The following ATG4A variants were observed in gnomAD, a reference collection of about 807,000 sequenced individuals.
ATG4A encodes cysteine protease ATG4A.
ATG4A carries 22 observed loss-of-function variants against 38.4 expected under a neutral mutation model. That is an observed-to-expected ratio of 0.57 (90% confidence interval 0.41 to 0.82). The LOEUF is 0.82. ATG4A is among the 40% of genes least tolerant of loss of function. The pLI is 0.00. For missense variants in ATG4A, 220 were observed against 290.0 expected, an observed-to-expected ratio of 0.76 and a Z score of 1.75; for synonymous variants, 86 against 100.7, an observed-to-expected ratio of 0.85 and a Z score of 0.88.
At chrX:108,146,542 G>A (rs890852626) in intron 9 of ATG4A, among the ~76,000 whole-genome samples, 1 of 111,646 alleles carries the variant, frequency 9.0e-6, no homozygotes, top group Non-Finnish European at 1.9e-5. Context: ...TTTAAATTTT[G>A]TAGTTGAGTG....
At chrX:108,113,234 A>G (rs1021081669) in intron 1 of ATG4A, among the ~76,000 whole-genome samples, 3 of 112,050 alleles carry the variant, frequency 2.7e-5, no homozygotes, top group Non-Finnish European at 3.8e-5. Flanking sequence ...CTCCTTGCAC[A>G]CTGCAGCGCT....
intron 9 of ATG4A, chrX:108,143,724 A>G: frequency 4.1e-6 from 1 of 246,110 alleles, no homozygotes; most frequent in Non-Finnish European, 7.7e-6. Flanking sequence ...AGCAGAACGT[A>G]ATGTCGGGGG....
chrX:108,126,553 A>T (rs1399952607), intron 2 of ATG4A, among the ~76,000 whole-genome samples: 1 of 112,108 alleles, frequency 8.9e-6, no homozygotes, highest in Non-Finnish European at 1.9e-5. Context: ...GCCTTTCGTG[A>T]CTGGTCTACA....
At chrX:108,126,289 C>T in intron 2 of ATG4A, 102 bp downstream of exon 2, 1 of 580,028 alleles carries the variant, frequency 1.7e-6, no homozygotes, top group Non-Finnish European at 2.9e-6. Context: ...CATTGTCTTG[C>T]TCAATGTTAA....
At chrX:108,114,305 C>T (rs1159626280) in intron 1 of ATG4A, among the ~76,000 whole-genome samples, 1 of 111,381 alleles carries the variant, frequency 9.0e-6, no homozygotes, top group African/African-American at 3.3e-5. Context: ...CTCATTTGAT[C>T]CTCACTACGG....
At chrX:108,089,903 C>T (rs1244202072), upstream of ATG4A, among the ~76,000 whole-genome samples, 1 of 111,650 alleles carries the variant, frequency 9.0e-6, no homozygotes, top group African/African-American at 3.3e-5. Flanking sequence ...CAAAGGGAAT[C>T]CCTATTTGCA....
chrX:108,129,074 C>T (rs1205075215), intron 3 of ATG4A, among the ~76,000 whole-genome samples: 1 of 112,166 alleles, frequency 8.9e-6, no homozygotes, highest in East Asian at 2.8e-4. Context: ...ATACTTTTGA[C>T]ACCACCTCCA....
chrX:108,106,578 GTA>G (rs1415870806), intron 1 of ATG4A, among the ~76,000 whole-genome samples: 3 of 110,128 alleles, frequency 2.7e-5, no homozygotes, highest in Non-Finnish European at 5.7e-5. Flanking sequence ...GTTCCTTTAG[GTA>G]TGTCTGCTGG....
intron 1 of ATG4A, among the ~76,000 whole-genome samples, chrX:108,112,251 G>A (rs1223163996): frequency 9.0e-6 from 1 of 111,196 alleles, no homozygotes; most frequent in African/African-American, 3.3e-5. Context: ...TAATTTTTTT[G>A]TACCCATTAA....
intron 9 of ATG4A, among the ~76,000 whole-genome samples, chrX:108,148,439 A>C (rs1046918689): frequency 9.9e-6 from 1 of 101,361 alleles, no homozygotes; most frequent in Admixed American, 1.1e-4. Context: ...ACTCAGTATT[A>C]ACCATCACAC....
At position 108,153,667 on chromosome X, in the gene ATG4A, G is replaced by A. The variant is rs1441628739; in HGVS notation, c.1152G>A (p.Leu384=). ...GAEFIDSTEQ[L]EEFDLEEDFE... ...AATTCATTGACTCTACTGAGCAACT[G>A]GAGGAGTTTGATCTGGAGGAAGATT... Residue 384 remains leucine (L), a synonymous_variant, in exon 13 of 13, where the codon CTG becomes CTA. Transcript: ENST00000372232. 1 of 1,209,226 alleles carries A rather than the reference G, an allele frequency of 8.3e-7. No individual in the cohort carries two copies. The highest frequency in any genetic ancestry group is 2.2e-5 in the Admixed American group (1 of 45,944).
At chrX:108,146,663 A>G (rs1444742527) in intron 9 of ATG4A, among the ~76,000 whole-genome samples, 1 of 111,748 alleles carries the variant, frequency 8.9e-6, no homozygotes, top group Non-Finnish European at 1.9e-5. Context: ...GGTCAAGGGT[A>G]TATCTTCTGG....
rs773399688 is a variant in ATG4A, at chrX:108,150,275, AC to A, written c.940del (p.Leu314TrpfsTer29). ...TCCCCACAGCGAATGAACATCCTAA[AC>A]CTGGATCCTTCAGTTGCATTGGTGG... is the stretch of plus-strand genomic sequence containing the variant. Reference protein sequence around the residue: ...LQSPQRMNILNLDPSVALGFF... With the variant: ...LQSPQRMNILXLDPSVALGFF... On this transcript the variant is annotated frameshift_variant, in exon 10 of 13. Coordinates refer to ENST00000372232, the MANE Select transcript of ATG4A (RefSeq NM_052936.5). LOFTEE classifies it high-confidence loss of function. 1 of 1,211,810 alleles carries A rather than the reference AC, an allele frequency of 8.3e-7. No homozygotes were observed. Among genetic ancestry groups the A allele is most frequent in the South Asian group, 1.8e-5 (1 of 56,971 alleles).
At chrX:108,122,464 G>A (rs941775621) in intron 1 of ATG4A, among the ~76,000 whole-genome samples, 1 of 111,689 alleles carries the variant, frequency 9.0e-6, no homozygotes, top group African/African-American at 3.3e-5. Context: ...AGTGAGCTTT[G>A]TGGCATTAGT....
rs777001814 is a variant in ATG4A, at chrX:108,091,803, T to C, written c.-24T>C. 8.3e-7 allele frequency: 1 copy of C among 1,211,374 alleles called. No individual in the cohort carries two copies. The highest frequency in any genetic ancestry group is 1.1e-6 in the Non-Finnish European group (1 of 895,273). ...GTCCGTAGTCAAGTTGCCGGTGGAA[T>C]TGGCCCAGGATGACAGCTGGAGAAT... On this transcript the variant is annotated 5_prime_UTR_variant, in exon 1 of 13. Coordinates refer to ENST00000372232, the MANE Select transcript of ATG4A (RefSeq NM_052936.5).
intron 1 of ATG4A, among the ~76,000 whole-genome samples, chrX:108,105,710 G>A (rs1043030878): frequency 8.9e-6 from 1 of 111,851 alleles, no homozygotes; most frequent in South Asian, 3.8e-4. Flanking sequence ...GGCAGCCAAA[G>A]TATGCTGGTT....
intron 1 of ATG4A, among the ~76,000 whole-genome samples, chrX:108,112,476 C>T (rs1177959337): frequency 9.1e-6 from 1 of 109,533 alleles, no homozygotes; most frequent in African/African-American, 3.3e-5. Flanking sequence ...ACTGCAAGCT[C>T]CGCCTCCCGG....
At chrX:108,134,526 C>G (rs1356001525) in intron 6 of ATG4A, 115 bp downstream of exon 6, 3 of 611,131 alleles carry the variant, frequency 4.9e-6, no homozygotes, top group Non-Finnish European at 7.6e-6. Flanking sequence ...AGCTACTCCT[C>G]CCACTAAACC....
At chrX:108,142,261 C>T (rs770403446) in intron 9 of ATG4A, among the ~76,000 whole-genome samples, 4 of 109,979 alleles carry the variant, frequency 3.6e-5, no homozygotes, top group Admixed American at 9.7e-5. Flanking sequence ...ACAAAAAATT[C>T]GCTGGATGTG....
Sources: allele counts gnomAD v4.1 joint callset (sites outside exome capture counted in the v4.1 genomes callset), GRCh38; gene constraint gnomAD v4.1.1; transcripts MANE v1.5; gene names NCBI Gene and HGNC (gene_info 2026-07-23, HGNC 2026-07-21).